THSD7A: variants seen among roughly 807,000 people sequenced by gnomAD.
The protein encoded by THSD7A is thrombospondin type-1 domain-containing protein 7A.
THSD7A carries 96 observed loss-of-function variants against 231.3 expected under a neutral mutation model. The observed-to-expected ratio is 0.41, with a 90% CI of 0.35 to 0.49. The LOEUF (loss-of-function observed/expected upper bound fraction) is 0.49. THSD7A is among the 20% of genes least tolerant of loss of function. The probability of loss-of-function intolerance (pLI) is 0.05; values close to 1 mark genes in which losing one functional copy is unlikely to be tolerated. For synonymous variants in THSD7A, 940 were observed against 743.3 expected (o/e 1.26, Z -4.30); for missense variants, 2,290 against 2,070.2 (o/e 1.11, Z -2.06).
chr7:11,826,842 C>T (rs7810401), intron 1 of THSD7A, among the ~76,000 whole-genome samples: 7,447 of 149,410 alleles, frequency 0.05, 640 homozygotes, highest in African/African-American at 0.17. Context: ...AATGCAAATG[C>T]CATTAACACT....
chr7:11,393,397 G>A (rs1783060754), intron 23 of THSD7A, among the ~76,000 whole-genome samples: 1 of 152,184 alleles, frequency 6.6e-6, no homozygotes, highest in Admixed American at 6.5e-5. Context: ...AATCCATGAA[G>A]ACGAGGAAAA....
intron 9 of THSD7A, among the ~76,000 whole-genome samples, chr7:11,465,675 A>C (rs1220671912): frequency 6.6e-6 from 1 of 152,122 alleles, no homozygotes; most frequent in Non-Finnish European, 1.5e-5. Flanking sequence ...ATGTAAAGGT[A>C]GTATTCAGAT....
Position 11,376,569 on chromosome 7 carries a change from C to G in THSD7A, c.4889+1G>C. On this transcript the variant is annotated splice_donor_variant, in intron 27 of 27. Transcript: ENST00000423059. LOFTEE classifies it high-confidence loss of function. ...GGATTTTTAATTATTTAAACACTCA[C>G]CAAGCTAGATAAATCATGGAGACAA... is the stretch of plus-strand genomic sequence containing the variant. 1 of 1,571,652 alleles carries G rather than the reference C, an allele frequency of 6.4e-7. No individual in the cohort carries two copies.
intron 1 of THSD7A, among the ~76,000 whole-genome samples, chr7:11,708,495 T>C (rs1401990803): frequency 2.0e-5 from 3 of 150,796 alleles, no homozygotes; most frequent in Non-Finnish European, 4.5e-5. Flanking sequence ...AATTAGCAAC[T>C]TGAGAGAACA....
chr7:11,747,197 A>C (rs2128163378), intron 1 of THSD7A, among the ~76,000 whole-genome samples: 1 of 151,984 alleles, frequency 6.6e-6, no homozygotes, highest in African/African-American at 2.4e-5. Flanking sequence ...GTCACATTAA[A>C]CCTGTTAAAT....
intron 23 of THSD7A, among the ~76,000 whole-genome samples, chr7:11,394,172 G>A (rs1484124449): frequency 3.3e-5 from 5 of 152,208 alleles, no homozygotes; most frequent in African/African-American, 1.2e-4. Flanking sequence ...GGATCCCTCT[G>A]CAGAAATCCT....
At chr7:11,389,235 C>T (rs1782882839) in intron 23 of THSD7A, among the ~76,000 whole-genome samples, 1 of 152,016 alleles carries the variant, frequency 6.6e-6, no homozygotes, top group Non-Finnish European at 1.5e-5. Flanking sequence ...GTCTAAGTCT[C>T]TTTGTAGGTC....
intron 19 of THSD7A, among the ~76,000 whole-genome samples, chr7:11,409,078 T>C: frequency 6.6e-6 from 1 of 152,152 alleles, no homozygotes; most frequent in East Asian, 1.9e-4. Context: ...TTTAATTTGC[T>C]CTCTCATTTA....
At position 11,769,122 on chromosome 7, in the gene THSD7A, A is replaced by ATATATATATAT. The variant is rs1491347103; in HGVS notation, c.190+62634_190+62635insATATATATATA. 5.2e-3 allele frequency among the ~76,000 whole-genome samples: 185 copies of ATATATATATAT among 35,864 alleles called. 34 individuals are homozygous for ATATATATATAT. The highest frequency in any genetic ancestry group is 0.012 in the Admixed American group (27 of 2,322). The allele number at this position is 35,864 out of a possible 152,430, so 23.5% of individuals were successfully genotyped here. A position where few individuals can be genotyped will look rare whatever the true frequency, so the allele number is the denominator to read the frequency against. The stretch of plus-strand genomic sequence containing the variant: ...ACAGGCACCTGCCATAATTCCTGGC[A>ATATATATATAT]ATATATATATATATATATATATATA... On this transcript the variant is annotated intron_variant, in intron 1 of 27. Transcript: ENST00000423059.
rs1329143298 is a variant in THSD7A, at chr7:11,474,870, T to C, written c.2018-302A>G. Among the ~76,000 whole-genome samples, 2 of 152,152 alleles carry C rather than the reference T, an allele frequency of 1.3e-5. No homozygotes were observed. Among genetic ancestry groups the C allele is most frequent in the Non-Finnish European group, 2.9e-5 (2 of 68,012 alleles). On this transcript the variant is annotated intron_variant, in intron 7 of 27. Coordinates refer to ENST00000423059, the MANE Select transcript of THSD7A (RefSeq NM_015204.3). This position sits in a 1 kb window ranked among gnomAD's most constrained non-coding sequence, Gnocchi z 4.1. Reference sequence around the variant, plus strand: ...TAATTATATTGTGCGGTATTTAGTATAACTGGGATTCAAGGAGTACAATTT... The same window carrying C: ...TAATTATATTGTGCGGTATTTAGTACAACTGGGATTCAAGGAGTACAATTT...
At chr7:11,544,414 T>C (rs1789287860) in intron 4 of THSD7A, among the ~76,000 whole-genome samples, 1 of 152,296 alleles carries the variant, frequency 6.6e-6, no homozygotes, top group African/African-American at 2.4e-5. Flanking sequence ...ATCACTCTCA[T>C]GATTGGGTGA....
chr7:11,555,023 A>C (rs893799044), intron 4 of THSD7A, among the ~76,000 whole-genome samples: 2 of 151,742 alleles, frequency 1.3e-5, no homozygotes, highest in African/African-American at 4.8e-5. Context: ...CTAGAGGTTT[A>C]ATGATCTATT....
rs78873775 is a variant in THSD7A at position 11,383,315 on chromosome 7, G to A, written c.4412-699C>T. ...TGTAGTACAGTCAGTTTATTTTAAC[G>A]GCTACATAGAATTCCATTGTACTAC... On this transcript the variant is annotated intron_variant, in intron 23 of 27. Transcript: ENST00000423059. Among the ~76,000 whole-genome samples the A allele has an allele frequency of 8.8e-4, 134 of 151,950 alleles. 4 individuals are homozygous for A. In the East Asian group the frequency reaches 0.018, roughly 20 times the overall value.
chr7:11,422,538 T>C (rs896791903), intron 16 of THSD7A, among the ~76,000 whole-genome samples: 7 of 148,502 alleles, frequency 4.7e-5, no homozygotes, highest in African/African-American at 1.8e-4. Flanking sequence ...AATAAATTGA[T>C]CTGAAAAGTT....
At chr7:11,676,763 A>T (rs1269700730) in intron 1 of THSD7A, among the ~76,000 whole-genome samples, 1 of 152,176 alleles carries the variant, frequency 6.6e-6, no homozygotes, top group Non-Finnish European at 1.5e-5. Flanking sequence ...GAAATGTTGG[A>T]CTATGTGAAA....
At chr7:11,381,659 A>G (rs1434848641) in intron 24 of THSD7A, among the ~76,000 whole-genome samples, 1 of 152,278 alleles carries the variant, frequency 6.6e-6, no homozygotes, top group East Asian at 1.9e-4. Flanking sequence ...ATGCTATGGC[A>G]ATTCCTATAA....
At chr7:11,571,490 GTATATGGAC>G (rs1790627428) in intron 4 of THSD7A, among the ~76,000 whole-genome samples, 1 of 152,146 alleles carries the variant, frequency 6.6e-6, no homozygotes, top group South Asian at 2.1e-4. Flanking sequence ...TCTAAGTGCA[GTATATGGAC>G]TATTTTAAAT....
chr7:11,509,362 T>C lies in THSD7A; in HGVS notation c.1823-27380A>G, dbSNP rs755880415. On this transcript the variant is annotated intron_variant, in intron 6 of 27. Coordinates refer to ENST00000423059, the MANE Select transcript of THSD7A (RefSeq NM_015204.3). ...ATAAAGTCAAAAATTAGACATTTCC[T>C]TTACACATTCTCATCCAACAAAATT... Among the ~76,000 whole-genome samples, 71 of 152,268 alleles carry C rather than the reference T, an allele frequency of 4.7e-4. 1 individual carries two copies. The highest frequency in any genetic ancestry group is 8.3e-4 in the South Asian group (4 of 4,832).
chr7:11,492,644 G>A (rs1786943742), intron 6 of THSD7A, among the ~76,000 whole-genome samples: 1 of 152,018 alleles, frequency 6.6e-6, no homozygotes, highest in Non-Finnish European at 1.5e-5. Flanking sequence ...CTAAGGCAGT[G>A]AAATCTGAAC....
Sources: allele counts gnomAD v4.1 joint callset (sites outside exome capture counted in the v4.1 genomes callset), GRCh38; gene constraint gnomAD v4.1.1; non-coding constraint Gnocchi (gnomAD v3.1); transcripts MANE v1.5; gene names NCBI Gene and HGNC (gene_info 2026-07-23, HGNC 2026-07-21).